The following AK4 variants were observed in gnomAD, a reference collection of about 807,000 sequenced individuals.
AK4 encodes adenylate kinase 4, mitochondrial.
Under a neutral mutation model 24.6 loss-of-function variants are expected in AK4, and 13 were observed. The ratio of observed to expected loss-of-function variants is 0.53; its 90% CI spans 0.34 to 0.84. The LOEUF (loss-of-function observed/expected upper bound fraction) is 0.84, where lower values mean the gene tolerates loss of function less well. Among genes scored for constraint, AK4 ranks in the 40% least tolerant of loss-of-function variants. The probability of loss-of-function intolerance (pLI) is 0.01; values close to 1 mark genes in which losing one functional copy is unlikely to be tolerated. For missense variants in AK4, 192 were observed against 288.2 expected, an observed-to-expected ratio of 0.67 and a Z score of 2.42; for synonymous variants, 88 against 107.0, an observed-to-expected ratio of 0.82 and a Z score of 1.10.
chr1:65,178,305 C>T (rs1304946790), intron 1 of AK4, among the ~76,000 whole-genome samples: 3 of 152,154 alleles, frequency 2.0e-5, no homozygotes, highest in Non-Finnish European at 2.9e-5. Flanking sequence ...TTGTACAAAT[C>T]GTGGCCTGTT....
chr1:65,176,598 A>C (rs1650723223), intron 1 of AK4, among the ~76,000 whole-genome samples: 1 of 152,150 alleles, frequency 6.6e-6, no homozygotes, highest in Non-Finnish European at 1.5e-5. Flanking sequence ...CTGTGGTTTA[A>C]GGAAAGCTGG....
intron 1 of AK4, among the ~76,000 whole-genome samples, chr1:65,188,387 C>T (rs1254385296): frequency 1.3e-5 from 2 of 151,398 alleles, no homozygotes; most frequent in African/African-American, 4.9e-5. Flanking sequence ...AGTGAGACTC[C>T]ATAGCAAAAA....
At chr1:65,148,184 G>C, upstream of AK4, 1 of 924,754 alleles carries the variant, frequency 1.1e-6, no homozygotes, top group Non-Finnish European at 1.5e-6. Context: ...GAAGGGCGGG[G>C]AGGTGTAGCG....
chr1:65,182,370 T>TG (rs930769918), intron 1 of AK4, among the ~76,000 whole-genome samples: 4 of 152,160 alleles, frequency 2.6e-5, no homozygotes, highest in African/African-American at 9.7e-5. Flanking sequence ...GGTGATGATC[T>TG]GGGGTGAAAC....
At position 65,229,781 on chromosome 1, in the gene AK4, C is replaced by G. The variant is rs1311127200; in HGVS notation, c.*3604C>G. ...TCCATTGGATTGTGCCCCGAAGTGGCCTTTACCCTTGAGCCGTCCCCAGCC... is the reference window on the plus strand; with the variant it reads ...TCCATTGGATTGTGCCCCGAAGTGGGCTTTACCCTTGAGCCGTCCCCAGCC... On this transcript the variant is annotated 3_prime_UTR_variant, in exon 5 of 5. Coordinates refer to ENST00000327299, the MANE Select transcript of AK4 (RefSeq NM_013410.4). The G allele has an allele frequency of 6.6e-6, 1 of 152,224 alleles. No homozygotes were observed. The highest frequency in any genetic ancestry group is 1.5e-5 in the Non-Finnish European group (1 of 68,096). The allele number at this position is 152,224 out of a possible 1,614,324, so 9.4% of individuals were successfully genotyped here. A position where few individuals can be genotyped will look rare whatever the true frequency, so the allele number is the denominator to read the frequency against.
At position 65,185,238 on chromosome 1, in the gene AK4, C is replaced by T. The variant is rs903712083; in HGVS notation, c.146-5472C>T. Among the ~76,000 whole-genome samples the T allele has an allele frequency of 7.9e-5, 12 of 152,268 alleles. No individual in the cohort carries two copies. In the South Asian group the frequency reaches 1.7e-3, roughly 21 times the overall value. ...CGACCCATGTAGGCACGTAAGGCCC[C>T]GTGCGTAGTTTAGTGCTCTGCTGTT... On this transcript the variant is annotated intron_variant, in intron 1 of 4. Coordinates refer to ENST00000327299, the MANE Select transcript of AK4 (RefSeq NM_013410.4).
At chr1:65,166,663 C>T (rs1275363784) in intron 1 of AK4, among the ~76,000 whole-genome samples, 1 of 152,198 alleles carries the variant, frequency 6.6e-6, no homozygotes, top group Non-Finnish European at 1.5e-5. Context: ...GCCAGGACTA[C>T]AGGTGCTCAA....
rs922390550 is a variant in AK4 at position 65,197,101 on chromosome 1, G to A, written c.265+6272G>A. Reference sequence around the variant, plus strand: ...TCCTACCAGGTTCATCCCATGACACGTGGGAATTGTGGGAGCTACAGTTCA... The same window carrying A: ...TCCTACCAGGTTCATCCCATGACACATGGGAATTGTGGGAGCTACAGTTCA... On this transcript the variant is annotated intron_variant, in intron 2 of 4. Transcript: ENST00000327299. Among the ~76,000 whole-genome samples, 7 of 152,298 alleles carry A rather than the reference G, an allele frequency of 4.6e-5. 1 individual carries two copies. The South Asian group carries it at 1.0e-3, about 23-fold the overall frequency.
chr1:65,186,243 C>T (rs186008383), intron 1 of AK4, among the ~76,000 whole-genome samples: 1 of 152,216 alleles, frequency 6.6e-6, no homozygotes, highest in East Asian at 1.9e-4. Flanking sequence ...TCAAACTATT[C>T]TTGTGCCTTA....
chr1:65,179,308 T>C lies in AK4; in HGVS notation c.146-11402T>C, dbSNP rs531040605. Among the ~76,000 whole-genome samples the C allele has an allele frequency of 8.5e-5, 13 of 152,326 alleles. No homozygotes were observed. The East Asian group carries it at 2.3e-3, about 27-fold the overall frequency. On this transcript the variant is annotated intron_variant, in intron 1 of 4. Coordinates refer to ENST00000327299, the MANE Select transcript of AK4 (RefSeq NM_013410.4). ...CAGCATGTATGCTAACATGCAAAGT[T>C]GTTTCTGTTCAAGAAAATGCTCACA...
chr1:65,226,993 C>T lies in AK4; in HGVS notation c.*816C>T, dbSNP rs1460536547. 7.5e-6 allele frequency: 1 copy of T among 133,474 alleles called. No individual in the cohort carries two copies. The highest frequency in any genetic ancestry group is 3.0e-5 in the African/African-American group (1 of 33,666). The allele number at this position is 133,474 out of a possible 1,614,324, so 8.3% of individuals were successfully genotyped here. Reference sequence around the variant, plus strand: ...CTGCTGGTCTGACTTTATGGATTGACACTGTTCCTTTCTTTTATTGTGAAA... The same window carrying T: ...CTGCTGGTCTGACTTTATGGATTGATACTGTTCCTTTCTTTTATTGTGAAA... On this transcript the variant is annotated 3_prime_UTR_variant, in exon 5 of 5. Coordinates refer to ENST00000327299, the MANE Select transcript of AK4 (RefSeq NM_013410.4).
chr1:65,208,293 T>C (rs1281148211), intron 2 of AK4, among the ~76,000 whole-genome samples: 1 of 152,172 alleles, frequency 6.6e-6, no homozygotes, highest in Non-Finnish European at 1.5e-5. Flanking sequence ...CTTTGATACA[T>C]GTACAAATAA....
chr1:65,202,075 T>C (rs1651677987), intron 2 of AK4, among the ~76,000 whole-genome samples: 1 of 152,162 alleles, frequency 6.6e-6, no homozygotes, highest in Non-Finnish European at 1.5e-5. Flanking sequence ...GAACAACATA[T>C]TTTTAAACTC....
At chr1:65,195,415 A>G (rs1428038890) in intron 2 of AK4, among the ~76,000 whole-genome samples, 1 of 152,198 alleles carries the variant, frequency 6.6e-6, no homozygotes, top group African/African-American at 2.4e-5. Flanking sequence ...CTTTGCCACC[A>G]CGTAACAGTA....
At chr1:65,222,308 A>T (rs1173623554) in intron 3 of AK4, among the ~76,000 whole-genome samples, 1 of 152,214 alleles carries the variant, frequency 6.6e-6, no homozygotes, top group Non-Finnish European at 1.5e-5. Flanking sequence ...TCCTGCCAGC[A>T]TTCCCCCGTG....
At chr1:65,199,348 G>A (rs1325413347) in intron 2 of AK4, among the ~76,000 whole-genome samples, 1 of 152,108 alleles carries the variant, frequency 6.6e-6, no homozygotes, top group Admixed American at 6.5e-5. Flanking sequence ...AGGAGTTCGA[G>A]ACCAGCCTGG....
chr1:65,196,191 CGTGCTAAAG>C (rs1651465015), intron 2 of AK4, among the ~76,000 whole-genome samples: 1 of 152,006 alleles, frequency 6.6e-6, no homozygotes, highest in African/African-American at 2.4e-5. Context: ...GCCTGTTGAG[CGTGCTAAAG>C]GTGATTGAAT....
intron 1 of AK4, among the ~76,000 whole-genome samples, chr1:65,179,581 G>A (rs1458608189): frequency 1.3e-5 from 2 of 152,174 alleles, no homozygotes; most frequent in African/African-American, 4.8e-5. Flanking sequence ...GCTCATGCCT[G>A]TAATCCCGGC....
intron 1 of AK4, among the ~76,000 whole-genome samples, chr1:65,149,793 T>C (rs1009456538): frequency 1.3e-5 from 2 of 152,208 alleles, no homozygotes; most frequent in African/African-American, 4.8e-5. Flanking sequence ...AAAGGAAGAA[T>C]TATGTGTACC....
Sources: gnomAD v4.1 joint callset for allele counts (sites outside exome capture counted in the v4.1 genomes callset) on GRCh38, gnomAD v4.1.1 for gene constraint, MANE v1.5 for transcripts, NCBI Gene and HGNC (gene_info 2026-07-23, HGNC 2026-07-21) for gene names.